Variants in AAK1 observed in about 807,000 individuals in gnomAD.
AAK1 encodes the protein AP2-associated protein kinase 1.
In AAK1, 37 loss-of-function variants were observed where a neutral mutation model predicts 116.0. The observed-to-expected ratio is 0.32, with a 90% CI of 0.25 to 0.42. The LOEUF is 0.42. Among genes scored for constraint, AAK1 ranks in the 10% least tolerant of loss-of-function variants. AAK1 has a pLI of 1.00. For synonymous variants in AAK1, 458 were observed against 439.9 expected (o/e 1.04, Z -0.51); for missense variants, 919 against 1,170.6 (o/e 0.79, Z 3.14).
At chr2:69,484,741 G>A (rs1052530120) in intron 17 of AAK1, among the ~76,000 whole-genome samples, 2 of 152,098 alleles carry the variant, frequency 1.3e-5, no homozygotes, top group African/African-American at 2.4e-5. Context: ...CAGGCGTGGT[G>A]GCGCATGCCT....
Position 69,461,762 on chromosome 2 carries a change from T to C in AAK1, c.*14107A>G. 1 of 306,766 alleles carries C rather than the reference T, an allele frequency of 3.3e-6. No individual in the cohort carries two copies. 19.0% of individuals were successfully genotyped at this position (306,766 alleles called of 1,614,324 possible). A position where few individuals can be genotyped will look rare whatever the true frequency, so the allele number is the denominator to read the frequency against. On this transcript the variant is annotated 3_prime_UTR_variant, in exon 22 of 22. Transcript: ENST00000409085. ...GCGTGCCATCACGCCCAGCTACTTT[T>C]TGTATTTTTGGTAGAGACAGGGTTT...
chr2:69,641,471 C>G (rs1245302629), intron 2 of AAK1, among the ~76,000 whole-genome samples: 1 of 152,230 alleles, frequency 6.6e-6, no homozygotes, highest in East Asian at 1.9e-4. Flanking sequence ...GACAGTGACT[C>G]TGGCCCCAGA....
At chr2:69,604,586 C>T (rs1419187251) in intron 2 of AAK1, among the ~76,000 whole-genome samples, 1 of 152,190 alleles carries the variant, frequency 6.6e-6, no homozygotes, top group African/African-American at 2.4e-5. Context: ...CTGAAGCAGA[C>T]ACTGAAGGAA....
intron 2 of AAK1, among the ~76,000 whole-genome samples, chr2:69,581,798 G>A (rs1026029776): frequency 6.6e-6 from 1 of 152,010 alleles, no homozygotes; most frequent in Admixed American, 6.6e-5. Context: ...GCAACACAGC[G>A]AGACCCAGTC....
intron 16 of AAK1, among the ~76,000 whole-genome samples, chr2:69,505,146 C>T (rs1676135950): frequency 6.6e-6 from 1 of 152,148 alleles, no homozygotes. Context: ...CACACACACA[C>T]ACACACACAC....
intron 2 of AAK1, among the ~76,000 whole-genome samples, chr2:69,572,183 C>A (rs1432908190): frequency 6.6e-6 from 1 of 152,178 alleles, no homozygotes; most frequent in Non-Finnish European, 1.5e-5. Flanking sequence ...GAGTGAGGCA[C>A]TTGCCCTGAG....
intron 2 of AAK1, among the ~76,000 whole-genome samples, chr2:69,566,055 C>G (rs553633657): frequency 2.0e-4 from 30 of 151,838 alleles, no homozygotes; most frequent in African/African-American, 7.0e-4. Context: ...ACAGTGAGAA[C>G]CTGGGTGCAC....
chr2:69,619,360 CA>C (rs1182369234), intron 2 of AAK1, among the ~76,000 whole-genome samples: 1 of 152,170 alleles, frequency 6.6e-6, no homozygotes, highest in East Asian at 1.9e-4. Flanking sequence ...TTCCCCACTA[CA>C]AACTTATCTA....
At chr2:69,519,565 T>C (rs1669667349) in intron 11 of AAK1, among the ~76,000 whole-genome samples, 1 of 152,212 alleles carries the variant, frequency 6.6e-6, no homozygotes. Flanking sequence ...TTGGTACATA[T>C]GCACAAGCTT....
chr2:69,566,472 A>C (rs561418243), intron 2 of AAK1, among the ~76,000 whole-genome samples: 1 of 151,898 alleles, frequency 6.6e-6, no homozygotes, highest in Admixed American at 6.6e-5. Context: ...GAGGTTTTCA[A>C]CTCCCTCTCT....
chr2:69,539,156 C>A (rs1320418323), intron 5 of AAK1, among the ~76,000 whole-genome samples: 1 of 152,092 alleles, frequency 6.6e-6, no homozygotes, highest in African/African-American at 2.4e-5. Flanking sequence ...AGAAGAAAGC[C>A]AAGGAGCCTG....
intron 2 of AAK1, among the ~76,000 whole-genome samples, chr2:69,597,737 C>T (rs1156540010): frequency 6.6e-6 from 1 of 151,930 alleles, no homozygotes; most frequent in African/African-American, 2.4e-5. Context: ...TTTTAAACAG[C>T]CAGGCATGGT....
Position 69,462,898 on chromosome 2 carries a change from T to G in AAK1, c.*12971A>C, listed in dbSNP as rs769846421. On this transcript the variant is annotated 3_prime_UTR_variant, in exon 22 of 22. Transcript: ENST00000409085. The stretch of plus-strand genomic sequence containing the variant: ...AAAGGAGAATTGGGAAAAAGCATAT[T>G]CTTAGAATAACATTTAGCATCCACC... 1.8e-4 allele frequency: 27 copies of G among 152,166 alleles called. No individual in the cohort carries two copies. The highest frequency in any genetic ancestry group is 3.5e-4 in the Non-Finnish European group (24 of 68,028). The allele number at this position is 152,166 out of a possible 1,614,324, so 9.4% of individuals were successfully genotyped here.
intron 9 of AAK1, among the ~76,000 whole-genome samples, chr2:69,525,338 G>C (rs1669977785): frequency 6.6e-6 from 1 of 152,198 alleles, no homozygotes; most frequent in African/African-American, 2.4e-5. Context: ...GAAGAGGAGA[G>C]AGTAGCTTGT....
chr2:69,517,126 T>A (rs1242179962), intron 12 of AAK1: 1 of 152,132 alleles, frequency 6.6e-6, no homozygotes, highest in African/African-American at 2.4e-5. Flanking sequence ...TGATACTAAC[T>A]AAACTAAACA....
At chr2:69,549,815 T>C (rs1037306518) in intron 3 of AAK1, among the ~76,000 whole-genome samples, 3 of 152,228 alleles carry the variant, frequency 2.0e-5, no homozygotes, top group South Asian at 2.1e-4. Context: ...CTTACCTTAT[T>C]ATTTCATTTC....
Position 69,474,069 on chromosome 2 carries a change from A to G in AAK1, c.*1800T>C. ...CGGGAAGTATTTAAAGACAGAAGGA[A>G]GGCTGGAAGATTCAGACTTTTCCTC... is the stretch of plus-strand genomic sequence containing the variant. On this transcript the variant is annotated 3_prime_UTR_variant, in exon 22 of 22. Transcript: ENST00000409085. 1 of 985,898 alleles carries G rather than the reference A, an allele frequency of 1.0e-6. No individual in the cohort carries two copies. The highest frequency in any genetic ancestry group is 1.2e-6 in the Non-Finnish European group (1 of 829,948). 61.1% of individuals were successfully genotyped at this position (985,898 alleles called of 1,614,324 possible).
intron 2 of AAK1, among the ~76,000 whole-genome samples, chr2:69,591,503 TTTTTTCTTTTTTTC>T (rs1385529533): frequency 2.0e-5 from 3 of 146,916 alleles, no homozygotes; most frequent in African/African-American, 7.6e-5. Flanking sequence ...TCTATAATTT[TTTTTTCTTTTTTTC>T]TTTTTCTTTT....
chr2:69,480,603 A>T (rs1325301270), intron 19 of AAK1, among the ~76,000 whole-genome samples: 1 of 152,188 alleles, frequency 6.6e-6, no homozygotes, highest in Non-Finnish European at 1.5e-5. Flanking sequence ...AATTTTGAAT[A>T]AAGAAATACT....
Sources: gnomAD v4.1 joint callset for allele counts (sites outside exome capture counted in the v4.1 genomes callset) on GRCh38, gnomAD v4.1.1 for gene constraint, MANE v1.5 for transcripts, NCBI Gene and HGNC (gene_info 2026-07-23, HGNC 2026-07-21) for gene names.